Variants in SENP2 observed in about 807,000 individuals in gnomAD.
The protein encoded by SENP2 is sentrin-specific protease 2.
SENP2 carries 16 observed loss-of-function variants against 86.3 expected under a neutral mutation model. That is an observed-to-expected ratio of 0.19 (90% confidence interval 0.13 to 0.28). The LOEUF (loss-of-function observed/expected upper bound fraction) is 0.28. Among genes scored for constraint, SENP2 ranks in the 10% least tolerant of loss-of-function variants. SENP2 has a pLI of 1.00. For synonymous variants in SENP2, 222 were observed against 238.7 expected (o/e 0.93, Z 0.64); for missense variants, 552 against 703.0 (o/e 0.79, Z 2.43).
intron 5 of SENP2, among the ~76,000 whole-genome samples, chr3:185,605,550 G>A (rs1272881992): frequency 1.3e-5 from 2 of 151,892 alleles, no homozygotes; most frequent in African/African-American, 4.8e-5. Flanking sequence ...TAGTTTTCAT[G>A]TCTCTTTGAT....
chr3:185,629,826 T>A lies in SENP2; in HGVS notation c.1752T>A (p.Leu584=), dbSNP rs768109746. ...GGAAGAAGATGGTGTGGGAAATCCT[T>A]CATCAGCAGTTGCTGTGAGAAAACT... ...LFRKKMVWEI[L]HQQLL Residue 584 remains leucine (L), a synonymous_variant, in exon 17 of 17, where the codon CTT becomes CTA. Transcript: ENST00000296257. The A allele has an allele frequency of 6.2e-7, 1 of 1,614,170 alleles. No homozygotes were observed.
chr3:185,628,497 CAAT>C (rs567078696), intron 16 of SENP2, among the ~76,000 whole-genome samples: 1 of 151,524 alleles, frequency 6.6e-6, no homozygotes, highest in Non-Finnish European at 1.5e-5. Flanking sequence ...AGGAGTGCCT[CAAT>C]AATGTGAACT....
rs574644202 is a variant in SENP2 at position 185,613,336 on chromosome 3, T to A, written c.870-9T>A. On this transcript the variant is annotated splice_polypyrimidine_tract_variant and intron_variant, in intron 9 of 16. Coordinates refer to ENST00000296257, the MANE Select transcript of SENP2 (RefSeq NM_021627.3). ...CAGAAGTCTATCATCTCTCAATTTTTTTCCTTAGGTGTTCAAAGGGGAAAA... is the reference window on the plus strand; with the variant it reads ...CAGAAGTCTATCATCTCTCAATTTTATTCCTTAGGTGTTCAAAGGGGAAAA... 1 of 1,526,902 alleles carries A rather than the reference T, an allele frequency of 6.5e-7. No individual in the cohort carries two copies. The highest frequency in any genetic ancestry group is 1.4e-5 in the African/African-American group (1 of 72,506). 94.6% of individuals were successfully genotyped at this position (1,526,902 alleles called of 1,614,324 possible).
rs2148998495 is a variant in SENP2 at position 185,630,901 on chromosome 3, C to T, written c.*1057C>T. The T allele has an allele frequency of 6.6e-6, 1 of 152,372 alleles. No homozygotes were observed. Among genetic ancestry groups the T allele is most frequent in the South Asian group, 2.1e-4 (1 of 4,824 alleles). 9.4% of individuals were successfully genotyped at this position (152,372 alleles called of 1,614,324 possible). Reference sequence around the variant, plus strand: ...GAAATTTGTGGAAGAAAATTTAGTACTTGGCTCTGAGGTTGCCAGTTATAC... The same window carrying T: ...GAAATTTGTGGAAGAAAATTTAGTATTTGGCTCTGAGGTTGCCAGTTATAC... On this transcript the variant is annotated 3_prime_UTR_variant, in exon 17 of 17. Transcript: ENST00000296257.
chr3:185,612,519 ATG>A (rs1722731044), intron 8 of SENP2, 86 bp from the exon 9 acceptor site: 2 of 360,498 alleles, frequency 5.5e-6, no homozygotes, highest in Non-Finnish European at 8.5e-6. Flanking sequence ...GAATGTCTTG[ATG>A]TTGTGGAAAC....
At chr3:185,606,568 A>C in intron 6 of SENP2, 70 bp downstream of exon 6, 1 of 1,295,416 alleles carries the variant, frequency 7.7e-7, no homozygotes, top group Non-Finnish European at 1.0e-6. Flanking sequence ...GCCTAGAGAC[A>C]CTCAGAATGG....
chr3:185,610,254 G>A (rs748160308), intron 7 of SENP2, among the ~76,000 whole-genome samples: 14 of 147,654 alleles, frequency 9.5e-5, no homozygotes, highest in Non-Finnish European at 1.9e-4. Context: ...TCCGCTTCCT[G>A]GGTTCAAGCG....
chr3:185,612,948 A>G (rs1448972402), intron 9 of SENP2, among the ~76,000 whole-genome samples: 1 of 152,214 alleles, frequency 6.6e-6, no homozygotes, highest in Non-Finnish European at 1.5e-5. Flanking sequence ...TGTCTTTAGG[A>G]TAGGAACAGT....
chr3:185,606,563 G>A (rs1722517863), intron 6 of SENP2, 65 bp downstream of exon 6: 1 of 1,342,694 alleles, frequency 7.4e-7, no homozygotes, highest in African/African-American at 1.5e-5. Flanking sequence ...ATGCTGCCTA[G>A]AGACACTCAG....
chr3:185,605,574 C>T (rs897796396), intron 5 of SENP2, among the ~76,000 whole-genome samples: 1 of 151,974 alleles, frequency 6.6e-6, no homozygotes, highest in African/African-American at 2.4e-5. Flanking sequence ...CTTTATTCTG[C>T]AACAACTCCT....
In SENP2 at chr3:185,586,455, T is replaced by C. The variant is rs769130505; in HGVS notation, c.42T>C (p.Arg14=). The C allele has an allele frequency of 6.2e-7, 1 of 1,614,030 alleles. No homozygotes were observed. The highest frequency in any genetic ancestry group is 8.5e-7 in the Non-Finnish European group (1 of 1,179,990). The change falls in exon 1 of 17, where the codon CGT becomes CGC. Residue 14 remains arginine (R), a synonymous_variant. Coordinates refer to ENST00000296257, the MANE Select transcript of SENP2 (RefSeq NM_021627.3). This position sits in a 1 kb window ranked among gnomAD's most constrained non-coding sequence, Gnocchi z 4.3. The part of the protein sequence containing the change: ...WLVRILGTIF[R]FCDRSVPPAR... Reference sequence around the variant, plus strand: ...TTAGGATTCTCGGCACCATTTTCCGTTTCTGCGACCGGTCGGTGCCCCCTG... The same window carrying C: ...TTAGGATTCTCGGCACCATTTTCCGCTTCTGCGACCGGTCGGTGCCCCCTG...
At chr3:185,591,882 C>T (rs953916045) in intron 2 of SENP2, among the ~76,000 whole-genome samples, 5 of 151,786 alleles carry the variant, frequency 3.3e-5, no homozygotes, top group Non-Finnish European at 7.4e-5. Context: ...CCTACAGGCA[C>T]GTTATCACAC....
chr3:185,625,603 C>G (rs34398323), intron 15 of SENP2, among the ~76,000 whole-genome samples: 2 of 152,058 alleles, frequency 1.3e-5, no homozygotes, highest in Non-Finnish European at 2.9e-5. Flanking sequence ...AATCCACCAC[C>G]TTTGGCTTAT....
At chr3:185,619,590 A>G (rs1212112606) in intron 13 of SENP2, 88 bp downstream of exon 13, 1 of 944,666 alleles carries the variant, frequency 1.1e-6, no homozygotes, top group African/African-American at 1.6e-5. Flanking sequence ...CCCTGTGTAT[A>G]GAGGCCAATA....
At chr3:185,605,272 G>A (rs1317521571) in intron 5 of SENP2, among the ~76,000 whole-genome samples, 1 of 151,726 alleles carries the variant, frequency 6.6e-6, no homozygotes, top group African/African-American at 2.4e-5. Context: ...ACGGGAGGCT[G>A]AGGCAGGAGA....
intron 7 of SENP2, among the ~76,000 whole-genome samples, chr3:185,610,126 G>A (rs1186026545): frequency 1.4e-5 from 2 of 144,376 alleles, no homozygotes; most frequent in African/African-American, 5.0e-5. Flanking sequence ...GCAAATCGAA[G>A]ATTAAAAAGT....
At chr3:185,614,945 T>TA (rs1711546956) in intron 11 of SENP2, among the ~76,000 whole-genome samples, 1 of 152,208 alleles carries the variant, frequency 6.6e-6, no homozygotes, top group African/African-American at 2.4e-5. Flanking sequence ...ATCAGATTGA[T>TA]ATTCAGCAAA....
intron 5 of SENP2, among the ~76,000 whole-genome samples, chr3:185,604,841 C>T (rs1352061655): frequency 3.3e-5 from 5 of 151,620 alleles, no homozygotes; most frequent in Admixed American, 6.6e-5. Flanking sequence ...CTGCAACCTC[C>T]GCCTCCTGGG....
rs186480309 is a variant in SENP2 at position 185,613,285 on chromosome 3, G to C, written c.870-60G>C. 23 of 929,598 alleles carry C rather than the reference G, an allele frequency of 2.5e-5. No individual in the cohort carries two copies. The Admixed American group carries it at 3.1e-4, about 12-fold the overall frequency. The allele number at this position is 929,598 out of a possible 1,614,324, so 57.6% of individuals were successfully genotyped here. A position where few individuals can be genotyped will look rare whatever the true frequency, so the allele number is the denominator to read the frequency against. On this transcript the variant is annotated intron_variant, in intron 9 of 16. Transcript: ENST00000296257. ...TTACGAAATCTTATTTCTAAAACTA[G>C]GATGTACTAGGTTTGAATCATCTAG...
Sources: gnomAD v4.1 joint callset for allele counts (sites outside exome capture counted in the v4.1 genomes callset) on GRCh38, gnomAD v4.1.1 for gene constraint, Gnocchi (gnomAD v3.1) non-coding constraint, MANE v1.5 for transcripts, NCBI Gene and HGNC (gene_info 2026-07-23, HGNC 2026-07-21) for gene names.